The following MEGF11 variants were observed in gnomAD, a reference collection of about 807,000 sequenced individuals.
The protein encoded by MEGF11 is multiple EGF like domains 11, also known as multiple epidermal growth factor-like domains protein 11.
Under a neutral mutation model 146.6 loss-of-function variants are expected in MEGF11, and 126 were observed. That is an observed-to-expected ratio of 0.86 (90% CI 0.74 to 1.00). The LOEUF is 1.00. Ranked by LOEUF, MEGF11 falls within the 50% of genes least tolerant of loss-of-function variation. MEGF11 has a pLI of 0.00. For synonymous variants in MEGF11, 532 were observed against 583.4 expected (o/e 0.91, Z 1.27); for missense variants, 1,509 against 1,521.2 (o/e 0.99, Z 0.13).
intron 24 of MEGF11, 79 bp downstream of exon 24, chr15:65,906,006 G>A: frequency 8.1e-7 from 1 of 1,229,222 alleles, no homozygotes; most frequent in Non-Finnish European, 1.2e-6. Flanking sequence ...GTCTCAAGTG[G>A]AATTCCTGGC....
chr15:66,091,585 C>G (rs2086325231), intron 5 of MEGF11, among the ~76,000 whole-genome samples: 1 of 152,236 alleles, frequency 6.6e-6, no homozygotes, highest in African/African-American at 2.4e-5. Flanking sequence ...TCTTTAACCT[C>G]TCTCTGCTTC....
intron 20 of MEGF11, among the ~76,000 whole-genome samples, chr15:65,912,965 C>T (rs552103604): frequency 6.6e-6 from 1 of 152,324 alleles, no homozygotes; most frequent in African/African-American, 2.4e-5. Flanking sequence ...ACCTTGTGCT[C>T]ACCCAGACAG....
chr15:65,996,094 C>G (rs2082189001), intron 5 of MEGF11, among the ~76,000 whole-genome samples: 1 of 152,142 alleles, frequency 6.6e-6, no homozygotes, highest in Non-Finnish European at 1.5e-5. Flanking sequence ...AGTCCAGGTC[C>G]CTCTGCTGAC....
chr15:66,169,875 T>G (rs1396319249), intron 1 of MEGF11, among the ~76,000 whole-genome samples: 1 of 152,208 alleles, frequency 6.6e-6, no homozygotes, highest in Non-Finnish European at 1.5e-5. Flanking sequence ...TTTGTACAAC[T>G]GGCCAGTCCT....
Position 66,024,691 on chromosome 15 carries a change from A to G in MEGF11, c.395-42203T>C, listed in dbSNP as rs150986234. Among the ~76,000 whole-genome samples, 222 of 152,318 alleles carry G rather than the reference A, an allele frequency of 1.5e-3. 1 individual carries two copies. Among genetic ancestry groups the G allele is most frequent in the African/African-American group, 4.9e-3 (204 of 41,572 alleles). Reference sequence around the variant, plus strand: ...CCCAAGGTCACTATATAAGTGACCAAGCCAGGACTGAATCCCTGGTAGCTC... The same window carrying G: ...CCCAAGGTCACTATATAAGTGACCAGGCCAGGACTGAATCCCTGGTAGCTC... On this transcript the variant is annotated intron_variant, in intron 5 of 25. Coordinates refer to ENST00000395614, the MANE Select transcript of MEGF11 (RefSeq NM_001385028.1).
chr15:65,914,542 G>A (rs1203857048), intron 19 of MEGF11, among the ~76,000 whole-genome samples: 1 of 152,074 alleles, frequency 6.6e-6, no homozygotes, highest in Non-Finnish European at 1.5e-5. Flanking sequence ...TTTCCAGGAT[G>A]ACTGCCCGCA....
rs889323040 is a variant in MEGF11 at position 66,044,669 on chromosome 15, C to T, written c.394+49733G>A. Among the ~76,000 whole-genome samples the T allele has an allele frequency of 2.9e-4, 31 of 105,570 alleles. No homozygotes were observed. In the Admixed American group the frequency reaches 3.2e-3, roughly 11 times the overall value. 69.3% of individuals were successfully genotyped at this position (105,570 alleles called of 152,430 possible). On this transcript the variant is annotated intron_variant, in intron 5 of 25. Transcript: ENST00000395614. The stretch of plus-strand genomic sequence containing the variant: ...CAGCCTGGGCAAGGTAGCAAGACCT[C>T]GTATCACTAAAAATAATAATAATAA...
chr15:66,168,596 A>T (rs2090162486), intron 1 of MEGF11, among the ~76,000 whole-genome samples: 1 of 152,238 alleles, frequency 6.6e-6, no homozygotes, highest in Non-Finnish European at 1.5e-5. Context: ...TGCTGTTTCA[A>T]ATATCTCATT....
chr15:66,221,255 G>A (rs571118991), intron 1 of MEGF11, among the ~76,000 whole-genome samples: 1 of 152,210 alleles, frequency 6.6e-6, no homozygotes, highest in African/African-American at 2.4e-5. Context: ...CTCCTTGGGA[G>A]AGGGCTGCCT....
chr15:66,047,357 C>T (rs559016407), intron 5 of MEGF11, among the ~76,000 whole-genome samples: 17 of 152,290 alleles, frequency 1.1e-4, no homozygotes, highest in Admixed American at 2.6e-4. Flanking sequence ...CTCTAAGCCT[C>T]GATTTCTTCT....
intron 8 of MEGF11, among the ~76,000 whole-genome samples, chr15:65,970,154 T>G (rs889033203): frequency 6.6e-6 from 1 of 152,164 alleles, no homozygotes; most frequent in African/African-American, 2.4e-5. Flanking sequence ...ATCCTTTTGG[T>G]GGAACCCAAA....
intron 5 of MEGF11, among the ~76,000 whole-genome samples, chr15:66,024,966 C>T (rs983244507): frequency 6.6e-6 from 1 of 152,042 alleles, no homozygotes; most frequent in Non-Finnish European, 1.5e-5. Flanking sequence ...GTGACCCGCC[C>T]CTCCCTGGCT....
At chr15:66,202,223 T>G (rs981626502) in intron 1 of MEGF11, among the ~76,000 whole-genome samples, 2 of 77,064 alleles carry the variant, frequency 2.6e-5, no homozygotes, top group South Asian at 7.4e-4. Context: ...GTAGACAATA[T>G]GTGCATATAC....
At chr15:66,104,171 C>T (rs1445551992) in intron 4 of MEGF11, among the ~76,000 whole-genome samples, 4 of 152,252 alleles carry the variant, frequency 2.6e-5, no homozygotes, top group African/African-American at 7.2e-5. Flanking sequence ...AGGTCTTCAT[C>T]TAGAATGTGC....
chr15:65,930,937 C>T lies in MEGF11; in HGVS notation c.1294G>A (p.Val432Ile). Residue 432 changes from valine (V) to isoleucine (I), a missense_variant, in exon 11 of 26, where the codon GTC (valine) becomes ATC (isoleucine). Physicochemically the swap from Val to Ile is conservative, Grantham distance 29. Transcript: ENST00000395614. ...CCTGCTGCACAGGAAACGGCACAGA[C>T]CTCTCCCTGGAAAGGGAGGGGGTGA... Reference protein sequence around the residue: ...CTCAPGFMGEVCAVSCAAGTY... With the variant: ...CTCAPGFMGEICAVSCAAGTY... 6.3e-7 allele frequency: 1 copy of T among 1,587,290 alleles called. No homozygotes were observed. The highest frequency in any genetic ancestry group is 8.6e-7 in the Non-Finnish European group (1 of 1,162,726).
intron 10 of MEGF11, among the ~76,000 whole-genome samples, chr15:65,951,391 T>C (rs2080394501): frequency 6.6e-6 from 1 of 152,186 alleles, no homozygotes; most frequent in African/African-American, 2.4e-5. Context: ...ACTGTGGTTT[T>C]AAAGTAGGTT....
chr15:66,118,406 C>T (rs557335036), intron 4 of MEGF11, among the ~76,000 whole-genome samples: 6 of 152,352 alleles, frequency 3.9e-5, no homozygotes, highest in Admixed American at 2.6e-4. Context: ...GGGCCTGCAG[C>T]TGCCAGCAAC....
At position 65,898,864 on chromosome 15, in the gene MEGF11, T is replaced by A; in HGVS notation, c.3126A>T (p.Thr1042=). ...AGGTGAGGATGGGTGGGTCCTTAAT[T>A]GTGGCGTAAGGGTTTTCACTGCTAT... The part of the protein sequence containing the change: ...SLNSSENPYA[T]IKDPPILTCK... Residue 1042 remains threonine (T), a synonymous_variant, in exon 25 of 26, where the codon ACA becomes ACT. Coordinates refer to ENST00000395614, the MANE Select transcript of MEGF11 (RefSeq NM_001385028.1). 6.2e-7 allele frequency: 1 copy of A among 1,613,970 alleles called. No individual in the cohort carries two copies. Among genetic ancestry groups the A allele is most frequent in the Non-Finnish European group, 8.5e-7 (1 of 1,179,862 alleles).
intron 4 of MEGF11, among the ~76,000 whole-genome samples, chr15:66,095,635 C>A (rs1397739392): frequency 6.6e-6 from 1 of 152,186 alleles, no homozygotes; most frequent in Non-Finnish European, 1.5e-5. Context: ...CTCCTAAGCA[C>A]AGAAACTGAC....
Sources: gnomAD v4.1 joint callset for allele counts (sites outside exome capture counted in the v4.1 genomes callset) on GRCh38, gnomAD v4.1.1 for gene constraint, MANE v1.5 for transcripts, NCBI Gene and HGNC (gene_info 2026-07-23, HGNC 2026-07-21) for gene names.